DLG2: variants seen among roughly 807,000 people sequenced by gnomAD.
The protein encoded by DLG2 is discs large MAGUK scaffold protein 2, also known as disks large homolog 2.
Under a neutral mutation model 132.5 loss-of-function variants are expected in DLG2, and 45 were observed. That is an observed-to-expected ratio of 0.34 (90% CI 0.27 to 0.44). The LOEUF (loss-of-function observed/expected upper bound fraction) is 0.44, where lower values mean the gene tolerates loss of function less well. Ranked by LOEUF, DLG2 falls within the 20% of genes least tolerant of loss-of-function variation. DLG2 has a pLI of 1.00. For missense variants in DLG2, 1,045 were observed against 1,196.9 expected (o/e 0.87, Z 1.87); for synonymous variants, 424 against 419.6 (o/e 1.01, Z -0.13).
chr11:84,591,223 C>CTGAGTGTGTGTGTG (rs1555073591), intron 6 of DLG2, among the ~76,000 whole-genome samples: 3 of 139,222 alleles, frequency 2.2e-5, no homozygotes, highest in Non-Finnish European at 3.0e-5. Context: ...ATGTGTCTCT[C>CTGAGTGTGTGTGTG]TGTGTGTGTG....
intron 6 of DLG2, among the ~76,000 whole-genome samples, chr11:85,033,322 A>T (rs2061177305): frequency 6.7e-6 from 1 of 149,994 alleles, no homozygotes; most frequent in South Asian, 2.1e-4. Context: ...CTAGTCAGGG[A>T]CTTGTGCCCC....
chr11:83,647,499 T>C (rs1004895990), intron 18 of DLG2: 2 of 152,180 alleles, frequency 1.3e-5, no homozygotes, highest in African/African-American at 4.8e-5. Context: ...TCTTTGTTTT[T>C]TCAGGCCTTC....
chr11:83,986,081 T>C (rs1379270936), intron 11 of DLG2, among the ~76,000 whole-genome samples: 7 of 152,016 alleles, frequency 4.6e-5, no homozygotes, highest in African/African-American at 1.4e-4. Flanking sequence ...TATTATACTT[T>C]AAGTTTTAGG....
intron 6 of DLG2, among the ~76,000 whole-genome samples, chr11:84,739,047 G>A (rs1021731682): frequency 2.0e-5 from 3 of 152,076 alleles, no homozygotes; most frequent in African/African-American, 7.2e-5. Flanking sequence ...GGTAGACAGA[G>A]GGAAGGGATA....
In DLG2 at chr11:84,089,912, TGC is replaced by T. The variant is rs1452101664; in HGVS notation, c.749+9009_749+9010del. Among the ~76,000 whole-genome samples, 6 of 152,286 alleles carry T rather than the reference TGC, an allele frequency of 3.9e-5. No individual in the cohort carries two copies. The East Asian group carries it at 1.2e-3, about 30-fold the overall frequency. The stretch of plus-strand genomic sequence containing the variant: ...CTTGTGTAAAATGTCATTGCTGCAT[TGC>T]CAAGTGGAGGCTGTCATGTGATAGC... On this transcript the variant is annotated intron_variant, in intron 10 of 27. Transcript: ENST00000376104.
chr11:85,009,904 A>G (rs2059004738), intron 6 of DLG2, among the ~76,000 whole-genome samples: 1 of 152,086 alleles, frequency 6.6e-6, no homozygotes, highest in South Asian at 2.1e-4. Context: ...AGCATATGTA[A>G]ATGCATCTAT....
At chr11:84,807,875 C>A (rs1321294512) in intron 6 of DLG2, among the ~76,000 whole-genome samples, 1 of 151,980 alleles carries the variant, frequency 6.6e-6, no homozygotes. Context: ...ACTAAAAGGA[C>A]AAATAGACAA....
chr11:84,243,415 T>C (rs2097261405), intron 8 of DLG2, among the ~76,000 whole-genome samples: 1 of 152,150 alleles, frequency 6.6e-6, no homozygotes, highest in African/African-American at 2.4e-5. Context: ...AGCTCTTTCC[T>C]TATAGATGTG....
At chr11:84,061,549 T>C (rs1894171) in intron 10 of DLG2, among the ~76,000 whole-genome samples, 120,851 of 152,074 alleles carry the variant, frequency 0.79, 49,249 homozygotes, top group Middle Eastern at 0.92. Context: ...TGAGCTTTTC[T>C]CTCTTAGGAC....
At chr11:84,218,726 T>G (rs7930376) in intron 8 of DLG2, among the ~76,000 whole-genome samples, 13,544 of 152,192 alleles carry the variant, frequency 0.089, 1,922 homozygotes, top group African/African-American at 0.3. Context: ...GGTGTGATTT[T>G]GTCCCTCAGG....
intron 3 of DLG2, among the ~76,000 whole-genome samples, chr11:85,400,508 A>G (rs1004284087): frequency 4.7e-5 from 7 of 149,834 alleles, no homozygotes; most frequent in African/African-American, 1.2e-4. Context: ...CATTATTCAC[A>G]ATAGCAAAGA....
intron 8 of DLG2, among the ~76,000 whole-genome samples, chr11:84,215,641 G>C (rs1367418088): frequency 6.6e-6 from 1 of 152,144 alleles, no homozygotes. Context: ...ACCAGATATT[G>C]AGGTGCAGTA....
At chr11:84,382,362 T>G (rs1005792428) in intron 7 of DLG2, among the ~76,000 whole-genome samples, 1 of 152,132 alleles carries the variant, frequency 6.6e-6, no homozygotes, top group Non-Finnish European at 1.5e-5. Flanking sequence ...GGGAACACCT[T>G]TCCAACTACC....
intron 6 of DLG2, chr11:84,923,419 AT>A (rs2092852438): frequency 1.0e-6 from 1 of 992,102 alleles, no homozygotes; most frequent in Non-Finnish European, 1.2e-6. Context: ...AAATCACTGG[AT>A]TAAAAAAAAA....
chr11:84,012,409 A>G (rs2094936473), intron 11 of DLG2, among the ~76,000 whole-genome samples: 1 of 152,122 alleles, frequency 6.6e-6, no homozygotes, highest in Non-Finnish European at 1.5e-5. Context: ...CCTTTGGAAA[A>G]CTTGGTGAGA....
chr11:83,612,052 G>C (rs1316433063), intron 19 of DLG2, among the ~76,000 whole-genome samples: 3 of 151,564 alleles, frequency 2.0e-5, no homozygotes, highest in African/African-American at 7.3e-5. Context: ...TAGACTAGAG[G>C]AAAGAGTTTA....
intron 7 of DLG2, among the ~76,000 whole-genome samples, chr11:84,299,464 G>A (rs1424055767): frequency 6.6e-6 from 1 of 152,188 alleles, no homozygotes; most frequent in East Asian, 1.9e-4. Context: ...ATATCAATTA[G>A]TGATTGATTA....
At chr11:83,526,500 G>T (rs2095614081) in intron 21 of DLG2, among the ~76,000 whole-genome samples, 2 of 152,120 alleles carry the variant, frequency 1.3e-5, no homozygotes, top group South Asian at 4.2e-4. Context: ...GCATACAGAT[G>T]AGTAGATTCA....
chr11:83,985,445 AC>A (rs2093194912), intron 11 of DLG2, among the ~76,000 whole-genome samples: 1 of 151,962 alleles, frequency 6.6e-6, no homozygotes, highest in Admixed American at 6.6e-5. Flanking sequence ...GCAAAGATCA[AC>A]CCATCAATGT....
Sources: gnomAD v4.1 joint callset for allele counts (sites outside exome capture counted in the v4.1 genomes callset) on GRCh38, gnomAD v4.1.1 for gene constraint, MANE v1.5 for transcripts, NCBI Gene and HGNC (gene_info 2026-07-23, HGNC 2026-07-21) for gene names.